The following XKR6 variants were observed in gnomAD, a reference collection of about 807,000 sequenced individuals.
XKR6 encodes XK related 6, also known as XK-related protein 6.
In XKR6, 22 loss-of-function variants were observed where a neutral mutation model predicts 56.7. That is an observed-to-expected ratio of 0.39 (90% confidence interval 0.28 to 0.55). The LOEUF is 0.55. Ranked by LOEUF, XKR6 falls within the 20% of genes least tolerant of loss-of-function variation. The pLI is 0.66. For missense variants in XKR6, 852 were observed against 889.0 expected (o/e 0.96, Z 0.53); for synonymous variants, 524 against 387.8 (o/e 1.35, Z -4.13).
intron 1 of XKR6, among the ~76,000 whole-genome samples, chr8:11,087,642 T>A (rs1045560756): frequency 6.6e-6 from 1 of 152,238 alleles, no homozygotes; most frequent in South Asian, 2.1e-4. Context: ...CCTAACATTC[T>A]GAAGACGGCA....
intron 1 of XKR6, among the ~76,000 whole-genome samples, chr8:11,134,884 C>T (rs1400984142): frequency 6.6e-6 from 1 of 151,912 alleles, no homozygotes; most frequent in African/African-American, 2.4e-5. Flanking sequence ...TGCTATACAA[C>T]CATAGAAAAT....
At chr8:11,087,727 A>G (rs1797936153) in intron 1 of XKR6, among the ~76,000 whole-genome samples, 1 of 152,206 alleles carries the variant, frequency 6.6e-6, no homozygotes, top group Non-Finnish European at 1.5e-5. Flanking sequence ...CTAGAGTCAC[A>G]TATCCAGCAA....
chr8:10,949,766 G>C (rs1410207636), intron 1 of XKR6, among the ~76,000 whole-genome samples: 1 of 152,176 alleles, frequency 6.6e-6, no homozygotes, highest in Non-Finnish European at 1.5e-5. Context: ...GGAGCTCTGC[G>C]GGCAGAGGAG....
At chr8:11,184,363 T>C (rs952874733) in intron 1 of XKR6, among the ~76,000 whole-genome samples, 11 of 147,420 alleles carry the variant, frequency 7.5e-5, no homozygotes, top group African/African-American at 2.6e-4. Flanking sequence ...AATAAATACA[T>C]ATTTTATATA....
At chr8:11,171,773 C>G (rs1021663947) in intron 1 of XKR6, among the ~76,000 whole-genome samples, 3 of 152,138 alleles carry the variant, frequency 2.0e-5, no homozygotes, top group African/African-American at 7.2e-5. Flanking sequence ...CAGTCTCGGG[C>G]CAGGTGCAGT....
intron 1 of XKR6, among the ~76,000 whole-genome samples, chr8:10,958,357 A>C (rs1273581740): frequency 6.6e-6 from 1 of 152,176 alleles, no homozygotes; most frequent in Non-Finnish European, 1.5e-5. Flanking sequence ...CGATTATGGG[A>C]TTAGAATGTT....
chr8:11,114,106 T>C, intron 1 of XKR6: 2 of 442,554 alleles, frequency 4.5e-6, no homozygotes, highest in South Asian at 3.2e-5. Context: ...AAAATAAAAA[T>C]ACATGTGAAT....
At chr8:10,948,322 C>T (rs1030459905) in intron 1 of XKR6, among the ~76,000 whole-genome samples, 3 of 152,184 alleles carry the variant, frequency 2.0e-5, no homozygotes, top group Non-Finnish European at 4.4e-5. Context: ...TCATCCCATG[C>T]AGCTGTTGGT....
intron 1 of XKR6, among the ~76,000 whole-genome samples, chr8:11,151,768 C>G (rs954887995): frequency 6.6e-6 from 1 of 152,028 alleles, no homozygotes; most frequent in Non-Finnish European, 1.5e-5. Flanking sequence ...TACATCCCCC[C>G]GCTCCGCCTT....
At chr8:10,938,814 A>G (rs1801304364) in intron 1 of XKR6, among the ~76,000 whole-genome samples, 1 of 152,228 alleles carries the variant, frequency 6.6e-6, no homozygotes, top group Non-Finnish European at 1.5e-5. Flanking sequence ...AAAGACCTCT[A>G]CAAACACACA....
chr8:11,134,129 C>T (rs866702959), intron 1 of XKR6, among the ~76,000 whole-genome samples: 3 of 152,162 alleles, frequency 2.0e-5, no homozygotes, highest in African/African-American at 7.2e-5. Flanking sequence ...TTACACTCTA[C>T]ATTCAAAACA....
rs186865675 is a variant in XKR6, at chr8:11,046,076, C to T, written c.765-121246G>A. 2.6e-5 allele frequency among the ~76,000 whole-genome samples: 4 copies of T among 152,190 alleles called. No homozygotes were observed. In the East Asian group the frequency reaches 5.8e-4, roughly 22 times the overall value. Reference sequence around the variant, plus strand: ...AGAATTACCATATAATCCAATCCCACTTCCGGGTATATACCCAAAAGAATT... The same window carrying T: ...AGAATTACCATATAATCCAATCCCATTTCCGGGTATATACCCAAAAGAATT... On this transcript the variant is annotated intron_variant, in intron 1 of 2. Coordinates refer to ENST00000416569, the MANE Select transcript of XKR6 (RefSeq NM_173683.4).
intron 1 of XKR6, among the ~76,000 whole-genome samples, chr8:11,013,361 A>G (rs1357454921): frequency 6.6e-6 from 1 of 152,206 alleles, no homozygotes; most frequent in Non-Finnish European, 1.5e-5. Context: ...TTAGCCCATC[A>G]CAAAGTGAGA....
intron 1 of XKR6, among the ~76,000 whole-genome samples, chr8:10,981,023 AG>A (rs1184931480): frequency 6.6e-6 from 1 of 152,116 alleles, no homozygotes; most frequent in Non-Finnish European, 1.5e-5. Context: ...GTGTGTTTGA[AG>A]GGTCAAAATA....
chr8:11,073,151 CA>C (rs1264897985), intron 1 of XKR6, among the ~76,000 whole-genome samples: 1 of 152,174 alleles, frequency 6.6e-6, no homozygotes, highest in Non-Finnish European at 1.5e-5. Flanking sequence ...GGCAATCATT[CA>C]TTAGCTTGTC....
chr8:11,037,723 T>C (rs750951074), intron 1 of XKR6, among the ~76,000 whole-genome samples: 20 of 152,180 alleles, frequency 1.3e-4, no homozygotes, highest in Non-Finnish European at 2.8e-4. Flanking sequence ...CTGGGCATGG[T>C]GGCGTGCGCC....
chr8:11,019,098 G>A (rs1259619906), intron 1 of XKR6, among the ~76,000 whole-genome samples: 4 of 152,166 alleles, frequency 2.6e-5, no homozygotes, highest in Non-Finnish European at 4.4e-5. Flanking sequence ...AATAGAGTCT[G>A]CCATGCATCA....
rs139923181 is a variant in XKR6, at chr8:11,200,820, G to A, written c.520C>T (p.Leu174=). The A allele has an allele frequency of 6.8e-6, 11 of 1,611,800 alleles. No individual in the cohort carries two copies. Among genetic ancestry groups the A allele is most frequent in the African/African-American group, 1.3e-5 (1 of 74,750 alleles). Residue 174 remains leucine, a synonymous_variant, in exon 1 of 3, where the codon CTG becomes TTG. Coordinates refer to ENST00000416569, the MANE Select transcript of XKR6 (RefSeq NM_173683.4). The surrounding 1 kb of genome is among the most constrained non-coding windows in gnomAD (Gnocchi z 6.4). ...CGGAAGCTCAGGCTCTGCACCAGCA[G>A]CGACGGCACCAGCACGAAGAAGAGG... is the stretch of plus-strand genomic sequence containing the variant. ...LTLFFVLVPS[L]LVQSLSFRWF...
chr8:11,102,386 A>G lies in XKR6; in HGVS notation c.764+98190T>C, dbSNP rs1052356045. 3.0e-4 allele frequency among the ~76,000 whole-genome samples: 46 copies of G among 152,284 alleles called. 1 individual carries two copies. Among genetic ancestry groups the G allele is most frequent in the African/African-American group, 1.1e-3 (44 of 41,550 alleles). Reference sequence around the variant, plus strand: ...GCCTGAAGTCTAGTAAGCATCATCAATGTGCAAAAATAAAGAATTTACTTA... The same window carrying G: ...GCCTGAAGTCTAGTAAGCATCATCAGTGTGCAAAAATAAAGAATTTACTTA... On this transcript the variant is annotated intron_variant, in intron 1 of 2. Transcript: ENST00000416569.
Sources: gnomAD v4.1 joint callset for allele counts (sites outside exome capture counted in the v4.1 genomes callset) on GRCh38, gnomAD v4.1.1 for gene constraint, Gnocchi (gnomAD v3.1) non-coding constraint, MANE v1.5 for transcripts, NCBI Gene and HGNC (gene_info 2026-07-23, HGNC 2026-07-21) for gene names.